Variants in EIF3H observed in about 807,000 individuals in gnomAD.
EIF3H encodes the protein eIF-3-gamma.
EIF3H carries 26 observed loss-of-function variants against 44.2 expected under a neutral mutation model. The ratio of observed to expected loss-of-function variants is 0.59; its 90% CI spans 0.43 to 0.82. The LOEUF (loss-of-function observed/expected upper bound fraction) is 0.82, where lower values mean the gene tolerates loss of function less well. EIF3H is among the 40% of genes least tolerant of loss of function. The pLI, the probability that EIF3H is intolerant of heterozygous loss-of-function variation, is 0.00. For synonymous variants in EIF3H, 166 were observed against 151.9 expected, an observed-to-expected ratio of 1.09 and a Z score of -0.68; for missense variants, 359 against 432.8, an observed-to-expected ratio of 0.83 and a Z score of 1.51.
intron 2 of EIF3H, among the ~76,000 whole-genome samples, chr8:116,666,394 T>C (rs1025816113): frequency 3.9e-5 from 6 of 152,250 alleles, no homozygotes; most frequent in African/African-American, 1.4e-4. Context: ...ATGAAATAAA[T>C]TGGATTCTTC....
At chr8:116,657,404 C>T (rs1813508970) in intron 3 of EIF3H, 90 bp from the exon 4 acceptor site, 9 of 912,714 alleles carry the variant, frequency 9.9e-6, no homozygotes, top group Non-Finnish European at 1.6e-5. Context: ...TGTTACATAT[C>T]GCACAATCTT....
chr8:116,755,828 G>T (rs752653571), upstream of EIF3H: 2 of 1,609,240 alleles, frequency 1.2e-6, no homozygotes, highest in South Asian at 1.1e-5. Flanking sequence ...AAAGAGAAAC[G>T]TGAGTTACCG....
chr8:116,660,195 A>C (rs942583782), intron 2 of EIF3H, among the ~76,000 whole-genome samples: 1 of 152,156 alleles, frequency 6.6e-6, no homozygotes, highest in Admixed American at 6.5e-5. Context: ...CCAGCCCCAA[A>C]CTATTTCTAT....
intron 1 of EIF3H, among the ~76,000 whole-genome samples, chr8:116,739,991 AAC>A (rs144316842): frequency 2.4e-4 from 36 of 151,514 alleles, no homozygotes; most frequent in Non-Finnish European, 4.6e-4. Context: ...ATGAAAATAA[AAC>A]ACACACACAC....
Position 116,750,942 on chromosome 8 carries a change from G to A in EIF3H, c.132+4724C>T, listed in dbSNP as rs931902016. ...TAATAAAAGTATGAGGCCGGGCACG[G>A]TGGCTCACGCCTGTAATCCCAGCAC... On this transcript the variant is annotated intron_variant, in intron 1 of 7. Transcript: ENST00000521861. Among the ~76,000 whole-genome samples, 9 of 151,972 alleles carry A rather than the reference G, an allele frequency of 5.9e-5. 1 individual carries two copies. Among genetic ancestry groups the A allele is most frequent in the Admixed American group, 5.9e-4 (9 of 15,270 alleles).
chr8:116,666,753 CAA>C (rs56700266), intron 2 of EIF3H, among the ~76,000 whole-genome samples: 254 of 71,434 alleles, frequency 3.6e-3, no homozygotes, highest in African/African-American at 0.011. Context: ...TAGTGTTAGG[CAA>C]AAAAAAAAAA....
At chr8:116,648,003 T>C (rs547659169) in intron 6 of EIF3H, among the ~76,000 whole-genome samples, 19 of 152,316 alleles carry the variant, frequency 1.2e-4, no homozygotes, top group African/African-American at 4.3e-4. Context: ...AATTTCACTA[T>C]ATACTGAAAA....
At chr8:116,671,874 T>C (rs1268333824) in intron 2 of EIF3H, among the ~76,000 whole-genome samples, 1 of 152,210 alleles carries the variant, frequency 6.6e-6, no homozygotes, top group African/African-American at 2.4e-5. Flanking sequence ...TAATACAGTG[T>C]AGAAGAATAG....
chr8:116,693,714 GCT>G lies in EIF3H; in HGVS notation c.289+32300_289+32301del, dbSNP rs1015408646. Among the ~76,000 whole-genome samples the G allele has an allele frequency of 4.1e-4, 62 of 151,778 alleles. 1 individual carries two copies. Among genetic ancestry groups the G allele is most frequent in the East Asian group, 7.7e-4 (4 of 5,168 alleles). On this transcript the variant is annotated intron_variant, in intron 2 of 7. Transcript: ENST00000521861. ...TTTTTTTTTTAAGAGACAGGGTCTT[GCT>G]CTGTCTCCCAGGCTGGAATACAGTG...
At chr8:116,662,267 CT>C (rs1019447974) in intron 2 of EIF3H, among the ~76,000 whole-genome samples, 10 of 151,376 alleles carry the variant, frequency 6.6e-5, no homozygotes, top group African/African-American at 1.7e-4. Flanking sequence ...AAAAACAAAA[CT>C]TTTTTTTTAA....
upstream of EIF3H, chr8:116,755,898 A>G: frequency 6.4e-7 from 1 of 1,558,726 alleles, no homozygotes; most frequent in South Asian, 1.2e-5. Context: ...AGGGGCGGAG[A>G]CGGAAGGAGA....
At chr8:116,743,794 ATATAAACACACACACAC>A (rs1815177196) in intron 1 of EIF3H, among the ~76,000 whole-genome samples, 67 of 91,758 alleles carry the variant, frequency 7.3e-4, no homozygotes, top group African/African-American at 3.5e-3. Context: ...ATATATATAT[ATATAAACACACACACAC>A]ACACACACAC....
At chr8:116,703,766 TG>T (rs1462041616) in intron 2 of EIF3H, among the ~76,000 whole-genome samples, 2 of 152,136 alleles carry the variant, frequency 1.3e-5, no homozygotes, top group Non-Finnish European at 2.9e-5. Flanking sequence ...CCCAGGCATT[TG>T]GGGCCACTAC....
intron 2 of EIF3H, chr8:116,689,282 G>A: frequency 3.5e-6 from 1 of 285,754 alleles, no homozygotes; most frequent in South Asian, 2.9e-5. Flanking sequence ...GGAAGGAAGG[G>A]TGATGGGGTT....
intron 1 of EIF3H, among the ~76,000 whole-genome samples, chr8:116,749,230 G>A (rs987588719): frequency 6.6e-6 from 1 of 152,140 alleles, no homozygotes; most frequent in East Asian, 1.9e-4. Flanking sequence ...TCAATGAGAA[G>A]GGGAAAATAT....
At chr8:116,750,571 G>A (rs549739320) in intron 1 of EIF3H, among the ~76,000 whole-genome samples, 22 of 151,996 alleles carry the variant, frequency 1.4e-4, no homozygotes, top group African/African-American at 4.8e-4. Flanking sequence ...CACCACGCCC[G>A]ACTAATTTTT....
At chr8:116,691,450 A>T (rs1196391133) in intron 2 of EIF3H, among the ~76,000 whole-genome samples, 1 of 152,142 alleles carries the variant, frequency 6.6e-6, no homozygotes, top group East Asian at 1.9e-4. Flanking sequence ...TGGTCAGTTA[A>T]TATGTACTAC....
chr8:116,705,492 C>CG (rs200542349), intron 2 of EIF3H, among the ~76,000 whole-genome samples: 1 of 102,276 alleles, frequency 9.8e-6, no homozygotes, highest in Non-Finnish European at 1.9e-5. Context: ...ACATGTTACA[C>CG]CCCCCCCCAC....
intron 2 of EIF3H, among the ~76,000 whole-genome samples, chr8:116,703,029 T>C (rs996002304): frequency 1.3e-5 from 2 of 152,112 alleles, no homozygotes; most frequent in African/African-American, 2.4e-5. Flanking sequence ...GCCACCCAGG[T>C]GCCAAGGCAA....
Sources: allele counts gnomAD v4.1 joint callset (sites outside exome capture counted in the v4.1 genomes callset), GRCh38; gene constraint gnomAD v4.1.1; transcripts MANE v1.5; gene names NCBI Gene and HGNC (gene_info 2026-07-23, HGNC 2026-07-21).